Variants in OCIAD1 observed in about 807,000 individuals in gnomAD.
OCIAD1 encodes OCIA domain containing 1.
In OCIAD1, 29 loss-of-function variants were observed where a neutral mutation model predicts 38.9. The ratio of observed to expected loss-of-function variants is 0.74; its 90% CI spans 0.55 to 1.02. The LOEUF (loss-of-function observed/expected upper bound fraction) is 1.02. Among genes scored for constraint, OCIAD1 ranks in the 50% least tolerant of loss-of-function variants. The probability of loss-of-function intolerance (pLI) is 0.00; values close to 1 mark genes in which losing one functional copy is unlikely to be tolerated. For synonymous variants in OCIAD1, 110 were observed against 92.0 expected (o/e 1.20, Z -1.12); for missense variants, 288 against 289.6 (o/e 0.99, Z 0.04).
chr4:48,811,411 C>T (rs575696405), intron 1 of OCIAD1, among the ~76,000 whole-genome samples: 2 of 152,358 alleles, frequency 1.3e-5, no homozygotes, highest in South Asian at 4.1e-4. Context: ...CAGTCTTTCT[C>T]TTCCTTTCCT....
chr4:48,848,962 G>T (rs897777517), intron 5 of OCIAD1, among the ~76,000 whole-genome samples: 1 of 152,090 alleles, frequency 6.6e-6, no homozygotes, highest in Non-Finnish European at 1.5e-5. Context: ...ATACTATGCA[G>T]CCATAAAAAA....
Position 48,858,008 on chromosome 4 carries a change from G to A in OCIAD1, c.700+643G>A, listed in dbSNP as rs534983137. Among the ~76,000 whole-genome samples the A allele has an allele frequency of 2.6e-5, 4 of 152,186 alleles. No homozygotes were observed. The South Asian group carries it at 8.3e-4, about 32-fold the overall frequency. On this transcript the variant is annotated intron_variant, in intron 8 of 8. Transcript: ENST00000264312. ...GTCTCTACTAAAAATACAAAAATCA[G>A]CTGGGCATGGTGGTGCATGCCTGTA... is the stretch of plus-strand genomic sequence containing the variant.
At chr4:48,836,943 A>C (rs1392480604) in intron 3 of OCIAD1, among the ~76,000 whole-genome samples, 1 of 152,160 alleles carries the variant, frequency 6.6e-6, no homozygotes, top group African/African-American at 2.4e-5. Flanking sequence ...GCTTCTATAA[A>C]ATTTTCATGG....
At chr4:48,819,656 C>T (rs1305074387) in intron 1 of OCIAD1, among the ~76,000 whole-genome samples, 6 of 133,610 alleles carry the variant, frequency 4.5e-5, no homozygotes, top group Non-Finnish European at 9.4e-5. Flanking sequence ...AGAGACCCAT[C>T]TCACGTGCAA....
intron 1 of OCIAD1, among the ~76,000 whole-genome samples, chr4:48,811,150 C>T (rs1380335993): frequency 6.6e-6 from 1 of 152,082 alleles, no homozygotes; most frequent in Non-Finnish European, 1.5e-5. Context: ...AACCATTGCA[C>T]CTGGCCTGAT....
chr4:48,835,153 C>T (rs1301649763), intron 3 of OCIAD1, among the ~76,000 whole-genome samples: 8 of 152,100 alleles, frequency 5.3e-5, no homozygotes, highest in South Asian at 2.1e-4. Flanking sequence ...AGGCTGATCT[C>T]GAACTCCTGA....
At chr4:48,841,569 AT>A (rs1477164575) in intron 3 of OCIAD1, among the ~76,000 whole-genome samples, 2 of 152,116 alleles carry the variant, frequency 1.3e-5, no homozygotes, top group African/African-American at 4.8e-5. Context: ...AGGTACCAAA[AT>A]TCCAGACTCC....
intron 5 of OCIAD1, among the ~76,000 whole-genome samples, chr4:48,849,128 C>T (rs779233499): frequency 1.3e-5 from 2 of 152,054 alleles, no homozygotes; most frequent in Non-Finnish European, 2.9e-5. Context: ...GGGAACATCA[C>T]ACACCGGGGC....
chr4:48,824,568 T>A (rs1159756870), intron 1 of OCIAD1, among the ~76,000 whole-genome samples: 1 of 151,078 alleles, frequency 6.6e-6, no homozygotes, highest in African/African-American at 2.4e-5. Flanking sequence ...TATTATTATT[T>A]TAGAGATAGG....
chr4:48,824,214 C>G (rs994424724), intron 1 of OCIAD1, among the ~76,000 whole-genome samples: 2 of 152,012 alleles, frequency 1.3e-5, no homozygotes, highest in Non-Finnish European at 2.9e-5. Context: ...CTCCTAAGCT[C>G]AAAGCAATCC....
chr4:48,812,247 C>T (rs1243645318), intron 1 of OCIAD1, among the ~76,000 whole-genome samples: 1 of 118,156 alleles, frequency 8.5e-6, no homozygotes, highest in Non-Finnish European at 1.6e-5. Flanking sequence ...CATGCCACTG[C>T]ACTCCAGTCT....
At chr4:48,858,603 G>A (rs1385107042) in intron 8 of OCIAD1, among the ~76,000 whole-genome samples, 2 of 152,118 alleles carry the variant, frequency 1.3e-5, no homozygotes, top group African/African-American at 4.8e-5. Flanking sequence ...ACAGTTGTAT[G>A]CCACCATCCC....
chr4:48,813,327 G>T (rs910227060), intron 1 of OCIAD1, among the ~76,000 whole-genome samples: 1 of 152,188 alleles, frequency 6.6e-6, no homozygotes, highest in African/African-American at 2.4e-5. Flanking sequence ...CAATTGTGAT[G>T]TGGTAAGTGT....
intron 3 of OCIAD1, among the ~76,000 whole-genome samples, chr4:48,835,188 C>T (rs574356809): frequency 6.6e-5 from 10 of 152,276 alleles, no homozygotes; most frequent in African/African-American, 2.2e-4. Flanking sequence ...CCTGCCTTGG[C>T]CTCCGAAAGT....
At chr4:48,821,479 G>A (rs575642044) in intron 1 of OCIAD1, among the ~76,000 whole-genome samples, 1 of 152,264 alleles carries the variant, frequency 6.6e-6, no homozygotes, top group East Asian at 1.9e-4. Context: ...CATTCCCTTT[G>A]AAAACCAGCA....
upstream of OCIAD1, among the ~76,000 whole-genome samples, chr4:48,828,232 G>A (rs189225002): frequency 1.1e-3 from 170 of 150,062 alleles, no homozygotes; most frequent in Non-Finnish European, 2.0e-3. Context: ...GAGAACTTTT[G>A]TGTCTAGCTA....
intron 1 of OCIAD1, among the ~76,000 whole-genome samples, chr4:48,818,158 C>T (rs1266251309): frequency 6.6e-6 from 1 of 152,176 alleles, no homozygotes; most frequent in Non-Finnish European, 1.5e-5. Context: ...TGACAGACAC[C>T]TCTTACAGGA....
chr4:48,815,453 A>C (rs1777135004), intron 1 of OCIAD1, among the ~76,000 whole-genome samples: 1 of 152,218 alleles, frequency 6.6e-6, no homozygotes, highest in Non-Finnish European at 1.5e-5. Context: ...CATTTGCATG[A>C]AACTATGCTT....
upstream of OCIAD1, among the ~76,000 whole-genome samples, chr4:48,829,931 A>C (rs1777347154): frequency 6.6e-6 from 1 of 152,356 alleles, no homozygotes; most frequent in Middle Eastern, 3.4e-3. Context: ...CAAGCTAAGG[A>C]CTAAGAAGGA....
Sources: allele counts gnomAD v4.1 joint callset (sites outside exome capture counted in the v4.1 genomes callset), GRCh38; gene constraint gnomAD v4.1.1; transcripts MANE v1.5; gene names NCBI Gene and HGNC (gene_info 2026-07-23, HGNC 2026-07-21).